Variants in SPOCK3 observed in about 807,000 individuals in gnomAD.
SPOCK3 encodes SPARC (osteonectin), cwcv and kazal like domains proteoglycan 3.
Under a neutral mutation model 56.6 loss-of-function variants are expected in SPOCK3, and 30 were observed. That is an observed-to-expected ratio of 0.53 (90% CI 0.40 to 0.72). SPOCK3 has a LOEUF of 0.72. SPOCK3 is among the 30% of genes least tolerant of loss of function. The probability of loss-of-function intolerance (pLI) is 0.00; values close to 1 mark genes in which losing one functional copy is unlikely to be tolerated. For synonymous variants in SPOCK3, 196 were observed against 183.3 expected, an observed-to-expected ratio of 1.07 and a Z score of -0.56; for missense variants, 527 against 530.0, an observed-to-expected ratio of 0.99 and a Z score of 0.06.
At chr4:167,183,755 A>T (rs578167142) in intron 2 of SPOCK3, among the ~76,000 whole-genome samples, 1 of 152,344 alleles carries the variant, frequency 6.6e-6, no homozygotes, top group East Asian at 1.9e-4. Flanking sequence ...CCTACAATTT[A>T]TCAGACTGTA....
intron 2 of SPOCK3, among the ~76,000 whole-genome samples, chr4:167,110,651 C>T (rs1053023849): frequency 6.6e-6 from 1 of 151,866 alleles, no homozygotes; most frequent in Non-Finnish European, 1.5e-5. Context: ...AAGACAATAC[C>T]CATTGAACCC....
intron 2 of SPOCK3, among the ~76,000 whole-genome samples, chr4:167,192,663 G>A (rs915230740): frequency 6.9e-6 from 1 of 144,614 alleles, no homozygotes; most frequent in African/African-American, 2.6e-5. Context: ...TTTTAACTTA[G>A]TGTCTTTTTT....
At chr4:167,088,961 A>T (rs1371486595) in intron 2 of SPOCK3, among the ~76,000 whole-genome samples, 1 of 152,102 alleles carries the variant, frequency 6.6e-6, no homozygotes, top group Non-Finnish European at 1.5e-5. Context: ...TTCATCATAG[A>T]TGTGGTTATT....
intron 2 of SPOCK3, among the ~76,000 whole-genome samples, chr4:167,116,864 TATAG>T (rs1229797801): frequency 4.2e-5 from 6 of 142,852 alleles, no homozygotes; most frequent in Admixed American, 2.2e-4. Flanking sequence ...TACTTTTGTA[TATAG>T]ATATACTTTT....
intron 8 of SPOCK3, among the ~76,000 whole-genome samples, chr4:166,751,073 C>T (rs149707988): frequency 5.7e-4 from 87 of 152,218 alleles, no homozygotes; most frequent in African/African-American, 1.8e-3. Flanking sequence ...AGCCACTGCC[C>T]TTAATCACTT....
At chr4:166,975,354 A>C (rs938548511) in intron 4 of SPOCK3, among the ~76,000 whole-genome samples, 1 of 152,264 alleles carries the variant, frequency 6.6e-6, no homozygotes, top group Middle Eastern at 3.4e-3. Context: ...CTTTTAAAAA[A>C]TTTTTAATGT....
chr4:167,017,010 A>C (rs1234633257), intron 3 of SPOCK3, among the ~76,000 whole-genome samples: 1 of 152,148 alleles, frequency 6.6e-6, no homozygotes, highest in East Asian at 1.9e-4. Context: ...TAGTAAAGAC[A>C]AGATTTGAAA....
chr4:166,817,711 C>G (rs2126748080), intron 6 of SPOCK3, among the ~76,000 whole-genome samples: 1 of 151,988 alleles, frequency 6.6e-6, no homozygotes, highest in East Asian at 1.9e-4. Flanking sequence ...CAATTAAAAT[C>G]TAAAGAAAAC....
chr4:167,218,479 G>T (rs369155280), intron 2 of SPOCK3, among the ~76,000 whole-genome samples: 2 of 152,084 alleles, frequency 1.3e-5, no homozygotes, highest in African/African-American at 4.8e-5. Flanking sequence ...AGCAAAGCCA[G>T]GTAGCTTTCA....
At chr4:166,893,057 TG>T (rs1466629854) in intron 5 of SPOCK3, among the ~76,000 whole-genome samples, 1 of 152,066 alleles carries the variant, frequency 6.6e-6, no homozygotes, top group Non-Finnish European at 1.5e-5. Context: ...CAATTTTGTT[TG>T]TCACAACTGG....
intron 2 of SPOCK3, among the ~76,000 whole-genome samples, chr4:167,191,115 T>A (rs1318542356): frequency 6.8e-6 from 1 of 146,086 alleles, no homozygotes; most frequent in African/African-American, 2.6e-5. Flanking sequence ...CAGGGTCTTT[T>A]GTGGTTTCAT....
At chr4:166,899,242 A>ATATCTATC (rs75617799) in intron 5 of SPOCK3, among the ~76,000 whole-genome samples, 5,170 of 117,274 alleles carry the variant, frequency 0.044, 137 homozygotes, top group Non-Finnish European at 0.049. Flanking sequence ...AAATCTCCTC[A>ATATCTATC]TATCTATCTA....
intron 6 of SPOCK3, among the ~76,000 whole-genome samples, chr4:166,833,553 C>T (rs1746305868): frequency 6.6e-6 from 1 of 152,160 alleles, no homozygotes; most frequent in African/African-American, 2.4e-5. Flanking sequence ...TTTGGCATTA[C>T]ATTTACACTT....
At chr4:166,904,209 T>C (rs1736368958) in intron 5 of SPOCK3, among the ~76,000 whole-genome samples, 1 of 151,962 alleles carries the variant, frequency 6.6e-6, no homozygotes, top group African/African-American at 2.4e-5. Context: ...TTTCAAATTC[T>C]TATGTTTAAA....
intron 3 of SPOCK3, among the ~76,000 whole-genome samples, chr4:167,040,010 G>A (rs139265964): frequency 5.0e-4 from 76 of 152,152 alleles, no homozygotes; most frequent in South Asian, 1.2e-3. Context: ...TTCCAGTTTT[G>A]CAGAACGACT....
In SPOCK3 at chr4:166,742,203, T is replaced by C. The variant is rs2126398537; in HGVS notation, c.932-144A>G. 8.3e-5 allele frequency: 50 copies of C among 600,028 alleles called. 2 individuals carry two copies. In the South Asian group the frequency reaches 9.5e-4, roughly 11 times the overall value. 37.2% of individuals were successfully genotyped at this position (600,028 alleles called of 1,614,324 possible). A position where few individuals can be genotyped will look rare whatever the true frequency, so the allele number is the denominator to read the frequency against. On this transcript the variant is annotated intron_variant, in intron 8 of 10. Transcript: ENST00000357545. Reference sequence around the variant, plus strand: ...TAATTGGTTTACTTATAAAGATACATTCATATAGGTACATACATGTGTCTA... The same window carrying C: ...TAATTGGTTTACTTATAAAGATACACTCATATAGGTACATACATGTGTCTA...
At chr4:167,175,051 T>G (rs773765387) in intron 2 of SPOCK3, among the ~76,000 whole-genome samples, 2 of 152,132 alleles carry the variant, frequency 1.3e-5, no homozygotes, top group African/African-American at 2.4e-5. Flanking sequence ...TTTTACCTAC[T>G]ACCTGCAGAA....
At chr4:167,073,354 A>T (rs1459506915) in intron 2 of SPOCK3, among the ~76,000 whole-genome samples, 1 of 151,854 alleles carries the variant, frequency 6.6e-6, no homozygotes, top group Non-Finnish European at 1.5e-5. Flanking sequence ...TCAAAATTTC[A>T]ACTAAATACT....
At chr4:167,198,346 C>T (rs1404026943) in intron 2 of SPOCK3, among the ~76,000 whole-genome samples, 1 of 152,094 alleles carries the variant, frequency 6.6e-6, no homozygotes, top group Non-Finnish European at 1.5e-5. Context: ...GATGACATCC[C>T]TATGTGATAG....
Sources: gnomAD v4.1 joint callset for allele counts (sites outside exome capture counted in the v4.1 genomes callset) on GRCh38, gnomAD v4.1.1 for gene constraint, MANE v1.5 for transcripts, NCBI Gene and HGNC (gene_info 2026-07-23, HGNC 2026-07-21) for gene names.